Variants in WWOX observed in about 807,000 individuals in gnomAD.
The protein encoded by WWOX is WW domain containing oxidoreductase, also known as WW domain-containing oxidoreductase.
In WWOX, 69 loss-of-function variants were observed where a neutral mutation model predicts 46.2. The ratio of observed to expected loss-of-function variants is 1.49; its 90% CI spans 1.23 to 1.82. The LOEUF is 1.82. Ranked by LOEUF, WWOX falls within the 40% of genes most tolerant of loss-of-function variation. The probability of loss-of-function intolerance (pLI) is 0.00; values close to 1 mark genes in which losing one functional copy is unlikely to be tolerated. For synonymous variants in WWOX, 359 were observed against 202.6 expected (o/e 1.77, Z -6.56); for missense variants, 919 against 542.6 (o/e 1.69, Z -6.89).
intron 8 of WWOX, among the ~76,000 whole-genome samples, chr16:78,521,779 A>G (rs1183495444): frequency 1.5e-5 from 2 of 135,508 alleles, no homozygotes; most frequent in Non-Finnish European, 3.1e-5. Context: ...TTAACACATA[A>G]CTTGTTTTTT....
At chr16:78,190,341 A>G (rs2035846164) in intron 5 of WWOX, among the ~76,000 whole-genome samples, 2 of 152,208 alleles carry the variant, frequency 1.3e-5, no homozygotes, top group Admixed American at 1.3e-4. Context: ...AGAGCAAAAC[A>G]GTTCTTTTGA....
At chr16:78,476,357 C>G (rs1237938150) in intron 8 of WWOX, among the ~76,000 whole-genome samples, 3 of 151,964 alleles carry the variant, frequency 2.0e-5, no homozygotes, top group Non-Finnish European at 4.4e-5. Flanking sequence ...GTTGCAAGGA[C>G]AAAAAACCAA....
intron 8 of WWOX, among the ~76,000 whole-genome samples, chr16:79,086,420 G>C (rs2150590819): frequency 6.6e-6 from 1 of 152,298 alleles, no homozygotes; most frequent in East Asian, 1.9e-4. Flanking sequence ...TACATTTTGA[G>C]GGTATTGAGC....
At position 79,171,821 on chromosome 16, in the gene WWOX, C is replaced by G. The variant is rs146168209; in HGVS notation, c.1057-39787C>G. Among the ~76,000 whole-genome samples the G allele has an allele frequency of 2.5e-3, 379 of 152,094 alleles. 2 individuals are homozygous for G. Among genetic ancestry groups the G allele is most frequent in the Middle Eastern group, 0.01 (3 of 292 alleles). The stretch of plus-strand genomic sequence containing the variant: ...ATGTCCTGACAGCAGAATCAATCTT[C>G]GGAATCCTTTTCAATAAAAAAAAAA... On this transcript the variant is annotated intron_variant, in intron 8 of 8. Transcript: ENST00000566780.
At chr16:78,690,300 C>T (rs926211916) in intron 8 of WWOX, among the ~76,000 whole-genome samples, 2 of 152,128 alleles carry the variant, frequency 1.3e-5, no homozygotes, top group African/African-American at 2.4e-5. Context: ...CCTGTAACCC[C>T]AGCACTCTGG....
At position 78,130,722 on chromosome 16, in the gene WWOX, A is replaced by G. The variant is rs76438631; in HGVS notation, c.409+15568A>G. Among the ~76,000 whole-genome samples the G allele has an allele frequency of 4.5e-4, 68 of 152,312 alleles. 1 individual carries two copies. The East Asian group carries it at 0.012, about 27-fold the overall frequency. On this transcript the variant is annotated intron_variant, in intron 4 of 8. Transcript: ENST00000566780. The stretch of plus-strand genomic sequence containing the variant: ...GGCTCATAGCCACTGCCACGCCCTT[A>G]TTCAGTCTTTTGTGCAATTAACAAA...
At chr16:79,077,661 C>A (rs1385602441) in intron 8 of WWOX, 1 of 145,008 alleles carries the variant, frequency 6.9e-6, no homozygotes, top group Non-Finnish European at 1.5e-5. Context: ...TTTTTTCAAA[C>A]CACAGGATTT....
chr16:78,812,031 C>T (rs183754411), intron 8 of WWOX, among the ~76,000 whole-genome samples: 25 of 152,228 alleles, frequency 1.6e-4, no homozygotes, highest in Admixed American at 5.9e-4. Context: ...TTCTTACCCT[C>T]ATCATTGTTT....
intron 8 of WWOX, among the ~76,000 whole-genome samples, chr16:79,080,535 T>G (rs1190315575): frequency 6.6e-6 from 1 of 152,226 alleles, no homozygotes; most frequent in East Asian, 1.9e-4. Context: ...TTGCACATTA[T>G]AGCCACAACC....
At chr16:78,386,791 A>G (rs2082070239) in intron 5 of WWOX, 69 bp from the exon 6 acceptor site, 2 of 1,347,292 alleles carry the variant, frequency 1.5e-6, no homozygotes, top group East Asian at 4.6e-5. Flanking sequence ...TAACACATTT[A>G]CTGTAACTTG....
chr16:78,693,125 T>C (rs1031208953), intron 8 of WWOX, among the ~76,000 whole-genome samples: 4 of 152,224 alleles, frequency 2.6e-5, no homozygotes, highest in African/African-American at 9.6e-5. Context: ...TGTAAATGTA[T>C]GTTGCTTTGT....
chr16:78,234,057 T>C (rs2037358069), intron 5 of WWOX, among the ~76,000 whole-genome samples: 1 of 152,142 alleles, frequency 6.6e-6, no homozygotes. Flanking sequence ...GGACCAGCAT[T>C]TTAATTACCT....
At chr16:78,845,183 T>TA (rs377162463) in intron 8 of WWOX, among the ~76,000 whole-genome samples, 1,498 of 141,940 alleles carry the variant, frequency 0.011, 9 homozygotes, top group East Asian at 0.023. Flanking sequence ...GGACTGGTCT[T>TA]AAAAAAAAAA....
At chr16:78,425,862 G>C (rs1180893798) in intron 7 of WWOX, among the ~76,000 whole-genome samples, 1 of 151,946 alleles carries the variant, frequency 6.6e-6, no homozygotes, top group Non-Finnish European at 1.5e-5. Flanking sequence ...ACGTGCAAGG[G>C]GCCTATTTTT....
intron 8 of WWOX, among the ~76,000 whole-genome samples, chr16:78,470,521 T>C (rs1281807817): frequency 6.6e-6 from 1 of 152,134 alleles, no homozygotes; most frequent in Non-Finnish European, 1.5e-5. Context: ...TGTATATATG[T>C]ATGTATGCAT....
chr16:78,590,234 TTCAAGA>T (rs2045320407), intron 8 of WWOX, among the ~76,000 whole-genome samples: 2 of 151,928 alleles, frequency 1.3e-5, no homozygotes, highest in Admixed American at 1.3e-4. Flanking sequence ...GGCTGGAAAA[TTCAAGA>T]TCAAGATGCA....
chr16:78,902,836 GC>G (rs1033432437), intron 8 of WWOX, among the ~76,000 whole-genome samples: 1 of 152,112 alleles, frequency 6.6e-6, no homozygotes, highest in African/African-American at 2.4e-5. Context: ...CCTGGTTTTT[GC>G]CCCCCTCCAG....
chr16:79,169,802 C>G (rs552283580), intron 8 of WWOX, among the ~76,000 whole-genome samples: 2 of 152,160 alleles, frequency 1.3e-5, no homozygotes, highest in Non-Finnish European at 2.9e-5. Flanking sequence ...CCTCCCCAGA[C>G]GTTTTTCCTG....
chr16:78,136,660 G>A (rs1409882171), intron 4 of WWOX, among the ~76,000 whole-genome samples: 3 of 152,304 alleles, frequency 2.0e-5, no homozygotes, highest in South Asian at 2.1e-4. Context: ...AGGTTGGTTC[G>A]TTAACCTGTA....
Sources: gnomAD v4.1 joint callset for allele counts (sites outside exome capture counted in the v4.1 genomes callset) on GRCh38, gnomAD v4.1.1 for gene constraint, MANE v1.5 for transcripts, NCBI Gene and HGNC (gene_info 2026-07-23, HGNC 2026-07-21) for gene names.